CNTNAP4: variants seen among roughly 807,000 people sequenced by gnomAD.
The protein encoded by CNTNAP4 is contactin-associated protein-like 4.
A neutral mutation model predicts 148.4 loss-of-function variants in CNTNAP4; 98 were observed. The ratio of observed to expected loss-of-function variants is 0.66; its 90% CI spans 0.56 to 0.78. The LOEUF (loss-of-function observed/expected upper bound fraction) is 0.78, where lower values mean the gene tolerates loss of function less well. Among genes scored for constraint, CNTNAP4 ranks in the 30% least tolerant of loss-of-function variants. The pLI is 0.00. For synonymous variants in CNTNAP4, 730 were observed against 565.1 expected (o/e 1.29, Z -4.14); for missense variants, 1,935 against 1,565.6 (o/e 1.24, Z -3.98).
chr16:76,475,038 T>C (rs2081516229), intron 10 of CNTNAP4, among the ~76,000 whole-genome samples: 1 of 152,174 alleles, frequency 6.6e-6, no homozygotes, highest in Non-Finnish European at 1.5e-5. Context: ...CACAAGCCTG[T>C]AATCCCAGCT....
At chr16:76,531,805 C>T (rs2083997271) in intron 17 of CNTNAP4, among the ~76,000 whole-genome samples, 1 of 152,102 alleles carries the variant, frequency 6.6e-6, no homozygotes, top group African/African-American at 2.4e-5. Context: ...ATGTATGACA[C>T]AACGGTTTGT....
At chr16:76,334,447 C>G (rs1436891102) in intron 2 of CNTNAP4, among the ~76,000 whole-genome samples, 1 of 152,128 alleles carries the variant, frequency 6.6e-6, no homozygotes, top group African/African-American at 2.4e-5. Flanking sequence ...TACGTTCACT[C>G]TTAATCCCCA....
intron 1 of CNTNAP4, chr16:76,309,761 T>G: frequency 1.5e-6 from 1 of 672,718 alleles, no homozygotes; most frequent in South Asian, 1.6e-5. Context: ...GCGGAGGGGG[T>G]GGTCCGGGCT....
In CNTNAP4 at chr16:76,384,639, G is replaced by A. The variant is rs1023099049; in HGVS notation, c.390+29128G>A. Among the ~76,000 whole-genome samples the A allele has an allele frequency of 3.9e-5, 6 of 152,042 alleles. No homozygotes were observed. The South Asian group carries it at 6.2e-4, about 16-fold the overall frequency. ...TGGTACCTACCTTAGGAGATTCCGC[G>A]CTCCTCTCTCAGGAACAGTCATGGT... On this transcript the variant is annotated intron_variant, in intron 3 of 23. Coordinates refer to ENST00000611870, the MANE Select transcript of CNTNAP4 (RefSeq NM_033401.5).
chr16:76,277,675 A>G lies in CNTNAP4; in HGVS notation c.13A>G (p.Thr5Ala). The change falls in exon 1 of 24, where the codon ACG (threonine) becomes GCG (alanine). Residue 5 changes from threonine (T) to alanine (A), a missense_variant. Physicochemically the swap from Thr to Ala is moderately conservative, Grantham distance 58. Coordinates refer to ENST00000611870, the MANE Select transcript of CNTNAP4 (RefSeq NM_033401.5). ...AATAAATGTGAACATGGGATCTGTC[A>G]CGGGAGCTGTCCTCAAGACGCTACT... is the stretch of plus-strand genomic sequence containing the variant. MGSV[T>A]GAVLKTLLLL... is the part of the protein sequence containing the mutation. 4 of 1,604,214 alleles carry G rather than the reference A, an allele frequency of 2.5e-6. No individual in the cohort carries two copies. Among genetic ancestry groups the G allele is most frequent in the Non-Finnish European group, 2.6e-6 (3 of 1,174,844 alleles).
chr16:76,367,758 C>G (rs1274412762), intron 3 of CNTNAP4, among the ~76,000 whole-genome samples: 2 of 152,182 alleles, frequency 1.3e-5, no homozygotes, highest in Non-Finnish European at 2.9e-5. Flanking sequence ...ATCTGAATAA[C>G]TGTCACTGGC....
chr16:76,557,263 A>T (rs574871781), intron 23 of CNTNAP4: 1 of 152,298 alleles, frequency 6.6e-6, no homozygotes, highest in East Asian at 1.9e-4. Flanking sequence ...GAAGTGACAC[A>T]TTTACTTCAT....
chr16:76,278,182 A>G (rs1184704923), intron 1 of CNTNAP4, among the ~76,000 whole-genome samples: 1 of 152,206 alleles, frequency 6.6e-6, no homozygotes, highest in Non-Finnish European at 1.5e-5. Flanking sequence ...GAAGTTTGCA[A>G]TTGGGCAGAC....
chr16:76,447,046 G>A (rs753941449), intron 4 of CNTNAP4, among the ~76,000 whole-genome samples: 22 of 152,116 alleles, frequency 1.4e-4, no homozygotes, highest in African/African-American at 2.2e-4. Flanking sequence ...AGTGGCTCAC[G>A]CCTTTAATCG....
At chr16:76,543,518 A>G (rs1034335883) in intron 21 of CNTNAP4, among the ~76,000 whole-genome samples, 1 of 152,212 alleles carries the variant, frequency 6.6e-6, no homozygotes, top group African/African-American at 2.4e-5. Flanking sequence ...AATGTGAAGG[A>G]GCTGGCTAAG....
At chr16:76,408,676 T>G (rs2078691061) in intron 3 of CNTNAP4, among the ~76,000 whole-genome samples, 1 of 152,250 alleles carries the variant, frequency 6.6e-6, no homozygotes, top group East Asian at 1.9e-4. Flanking sequence ...AACAATAATT[T>G]ATTTGCACCA....
intron 3 of CNTNAP4, among the ~76,000 whole-genome samples, chr16:76,423,135 A>G (rs2079249807): frequency 2.0e-5 from 3 of 152,140 alleles, no homozygotes; most frequent in African/African-American, 7.2e-5. Context: ...TTCATTTTGG[A>G]CTTTCCAGCC....
At chr16:76,424,700 G>A (rs8056720) in intron 3 of CNTNAP4, among the ~76,000 whole-genome samples, 116,171 of 151,818 alleles carry the variant, frequency 0.77, 45,458 homozygotes, top group Non-Finnish European at 0.86. Flanking sequence ...TGGAGGTTGC[G>A]GTGAGCTGAG....
At position 76,534,828 on chromosome 16, in the gene CNTNAP4, A is replaced by C. The variant is rs141893112; in HGVS notation, c.2756-717A>C. On this transcript the variant is annotated intron_variant, in intron 17 of 23. Coordinates refer to ENST00000611870, the MANE Select transcript of CNTNAP4 (RefSeq NM_033401.5). ...CTTAGAATAATAGGGTCTGATTCCA[A>C]CCCAACATTGTAGACCTCTTCAAGG... Among the ~76,000 whole-genome samples, 3 of 152,296 alleles carry C rather than the reference A, an allele frequency of 2.0e-5. No individual in the cohort carries two copies. In the East Asian group the frequency reaches 5.8e-4, roughly 29 times the overall value.
intron 2 of CNTNAP4, among the ~76,000 whole-genome samples, chr16:76,347,137 TTGTGTGTGTGTG>T (rs56664519): frequency 1.3e-5 from 2 of 149,450 alleles, no homozygotes; most frequent in Non-Finnish European, 3.0e-5. Context: ...AGGCAATTGG[TTGTGTGTGTGTG>T]TGTGTGTGTG....
At chr16:76,406,768 C>G (rs1480045948) in intron 3 of CNTNAP4, among the ~76,000 whole-genome samples, 1 of 152,068 alleles carries the variant, frequency 6.6e-6, no homozygotes, top group Non-Finnish European at 1.5e-5. Context: ...TCTATGAAGG[C>G]TGAGAGAGGT....
At chr16:76,283,535 A>G (rs1215326815) in intron 1 of CNTNAP4, among the ~76,000 whole-genome samples, 1 of 152,044 alleles carries the variant, frequency 6.6e-6, no homozygotes, top group Non-Finnish European at 1.5e-5. Context: ...GGAGACCACT[A>G]TTCTTGGCAA....
At chr16:76,470,976 A>G (rs1309743638) in intron 10 of CNTNAP4, among the ~76,000 whole-genome samples, 1 of 152,078 alleles carries the variant, frequency 6.6e-6, no homozygotes, top group Non-Finnish European at 1.5e-5. Flanking sequence ...CACAACTCAC[A>G]TATTAATCCT....
chr16:76,337,420 C>A (rs374590772), intron 2 of CNTNAP4, among the ~76,000 whole-genome samples: 1 of 152,192 alleles, frequency 6.6e-6, no homozygotes, highest in East Asian at 1.9e-4. Flanking sequence ...TTCTGTGATG[C>A]CTACCTGAGC....
Sources: allele counts gnomAD v4.1 joint callset (sites outside exome capture counted in the v4.1 genomes callset), GRCh38; gene constraint gnomAD v4.1.1; transcripts MANE v1.5; gene names NCBI Gene and HGNC (gene_info 2026-07-23, HGNC 2026-07-21).